FAT1: variants seen among roughly 807,000 people sequenced by gnomAD.
FAT1 encodes FAT atypical cadherin 1.
A neutral mutation model predicts 329.8 loss-of-function variants in FAT1; 171 were observed. The ratio of observed to expected loss-of-function variants is 0.52; its 90% CI spans 0.46 to 0.59. FAT1 has a LOEUF of 0.59. Among genes scored for constraint, FAT1 ranks in the 20% least tolerant of loss-of-function variants. The probability of loss-of-function intolerance (pLI) is 0.00; values close to 1 mark genes in which losing one functional copy is unlikely to be tolerated. For synonymous variants in FAT1, 2,233 were observed against 2,228.6 expected (o/e 1.00, Z -0.06); for missense variants, 5,672 against 5,774.4 (o/e 0.98, Z 0.57).
At chr4:186,633,234 G>A (rs1740670825) in intron 7 of FAT1, among the ~76,000 whole-genome samples, 1 of 152,068 alleles carries the variant, frequency 6.6e-6, no homozygotes, top group African/African-American at 2.4e-5. Context: ...AACAAATAAA[G>A]GTGGTAAAGG....
intron 15 of FAT1, 60 bp from the exon 16 acceptor site, chr4:186,609,380 C>G: frequency 6.5e-7 from 1 of 1,545,970 alleles, no homozygotes; most frequent in Non-Finnish European, 8.7e-7. Context: ...ACCTATTACA[C>G]AAAATTTGTG....
Position 186,710,986 on chromosome 4 carries a change from C to G in FAT1, c.-18-1141G>C, listed in dbSNP as rs547905034. ...CAGTTATTTTCAGATCAACTGTTCCCCTTTGCCAACAAATTCATCTTGTAA... is the reference window on the plus strand; with the variant it reads ...CAGTTATTTTCAGATCAACTGTTCCGCTTTGCCAACAAATTCATCTTGTAA... On this transcript the variant is annotated intron_variant, in intron 1 of 26. Transcript: ENST00000441802. 2.6e-5 allele frequency among the ~76,000 whole-genome samples: 4 copies of G among 152,312 alleles called. No homozygotes were observed. The East Asian group carries it at 7.7e-4, about 29-fold the overall frequency.
At chr4:186,684,648 C>T (rs1743380045) in intron 2 of FAT1, among the ~76,000 whole-genome samples, 1 of 127,982 alleles carries the variant, frequency 7.8e-6, no homozygotes, top group African/African-American at 3.1e-5. Context: ...GGATGTTAAT[C>T]ACTAACTTGG....
At chr4:186,633,928 T>C (rs1579359736) in intron 6 of FAT1, 105 bp from the exon 7 acceptor site, 1 of 1,210,438 alleles carries the variant, frequency 8.3e-7, no homozygotes, top group Non-Finnish European at 1.2e-6. Context: ...TCTAATATAC[T>C]AGCAAAGAGC....
intron 9 of FAT1, among the ~76,000 whole-genome samples, chr4:186,627,849 T>C (rs1364708454): frequency 6.6e-6 from 1 of 152,142 alleles, no homozygotes; most frequent in East Asian, 1.9e-4. Flanking sequence ...GAAACTGTGG[T>C]TAAAATAATT....
In FAT1 at chr4:186,706,619, C is replaced by A. The variant is rs200050180; in HGVS notation, c.3209G>T (p.Arg1070Leu). ...DEDARRDGEI[R>L]YSIRDGSGVG... ...GCCAGAGCCATCTCTAATGGAGTAT[C>A]GGATCTCCCCATCTCTTCTGGCGTC... The change falls in exon 2 of 27, where the codon CGA becomes CTA. Residue 1070 changes from arginine (R) to leucine (L), a missense_variant. Coordinates refer to ENST00000441802, the MANE Select transcript of FAT1 (RefSeq NM_005245.4). The A allele has an allele frequency of 1.9e-6, 3 of 1,613,936 alleles. No homozygotes were observed. Among genetic ancestry groups the A allele is most frequent in the Non-Finnish European group, 2.5e-6 (3 of 1,179,876 alleles).
intron 26 of FAT1, among the ~76,000 whole-genome samples, chr4:186,591,870 C>T (rs1044195129): frequency 7.2e-5 from 11 of 152,114 alleles, no homozygotes; most frequent in African/African-American, 1.2e-4. Flanking sequence ...AAGGATCCCC[C>T]GAACTCTATG....
At chr4:186,595,651 C>G (rs1738463673) in intron 26 of FAT1, 38 bp downstream of exon 26, 2 of 1,608,944 alleles carry the variant, frequency 1.2e-6, no homozygotes. Flanking sequence ...ACACAACAAG[C>G]AAGCAAAGCG....
intron 2 of FAT1, among the ~76,000 whole-genome samples, chr4:186,684,570 T>C (rs953983783): frequency 6.6e-5 from 10 of 152,160 alleles, no homozygotes; most frequent in African/African-American, 2.4e-4. Flanking sequence ...CACATTTCTT[T>C]AGGACACTTT....
At chr4:186,679,901 G>T (rs4327565) in intron 2 of FAT1, among the ~76,000 whole-genome samples, 2 of 152,230 alleles carry the variant, frequency 1.3e-5, no homozygotes, top group East Asian at 1.9e-4. Context: ...TGAAACTCAA[G>T]AATTTTTTAT....
At position 186,611,419 on chromosome 4, in the gene FAT1, C is replaced by T. The variant is rs2126466546; in HGVS notation, c.9820G>A (p.Glu3274Lys). The T allele has an allele frequency of 1.9e-6, 3 of 1,613,418 alleles. No homozygotes were observed. The highest frequency in any genetic ancestry group is 3.3e-4 in the Middle Eastern group (2 of 6,058). ...EITYSIISGN[E>K]HGKFSIDSKT... is the part of the protein sequence containing the mutation. ...GAATCTATGCTGAATTTCCCATGTT[C>T]ATTTCCACTTATTATTGAGTAGGTG... Residue 3274 changes from glutamate to lysine, a missense_variant, in exon 14 of 27, where the codon GAA becomes AAA. By Grantham distance (56) the Glu-to-Lys change is moderately conservative (BLOSUM62 1). Coordinates refer to ENST00000441802, the MANE Select transcript of FAT1 (RefSeq NM_005245.4).
chr4:186,596,650 T>C lies in FAT1; in HGVS notation c.12890A>G (p.Lys4297Arg). Reference protein sequence around the residue: ...FNPESVHGHRKAVAVCSVAPN... With the variant: ...FNPESVHGHRRAVAVCSVAPN... ...CGCCACGCTGCAGACCGCCACTGCT[T>C]TTCGGTGCCCGTGCACAGACTCGGG... is the stretch of plus-strand genomic sequence containing the variant. Residue 4297 changes from lysine to arginine, a missense_variant, in exon 25 of 27, where the codon AAA becomes AGA. Coordinates refer to ENST00000441802, the MANE Select transcript of FAT1 (RefSeq NM_005245.4). The surrounding 1 kb of genome is among the most constrained non-coding windows in gnomAD (Gnocchi z 4.7). The C allele has an allele frequency of 6.2e-7, 1 of 1,611,044 alleles. No individual in the cohort carries two copies. The highest frequency in any genetic ancestry group is 2.2e-5 in the East Asian group (1 of 44,826).
intron 9 of FAT1, among the ~76,000 whole-genome samples, chr4:186,623,506 A>G (rs1357084139): frequency 6.6e-6 from 1 of 152,136 alleles, no homozygotes; most frequent in African/African-American, 2.4e-5. Context: ...CATATTTTAT[A>G]TTCATTCTTC....
At chr4:186,675,782 AACACACACACACACACAC>A (rs66981811) in intron 2 of FAT1, among the ~76,000 whole-genome samples, 55 of 143,198 alleles carry the variant, frequency 3.8e-4, no homozygotes, top group Admixed American at 1.5e-3. Context: ...CCCTGTCTAA[AACACACACACACACACAC>A]ACACACACAC....
At chr4:186,643,793 C>T (rs1741220349) in intron 3 of FAT1, among the ~76,000 whole-genome samples, 1 of 137,914 alleles carries the variant, frequency 7.3e-6, no homozygotes, top group African/African-American at 2.7e-5. Flanking sequence ...CCTCATCCCC[C>T]CCCCACCCCC....
rs546197620 is a variant in FAT1, at chr4:186,718,598, C to T, written c.-19+5066G>A. Among the ~76,000 whole-genome samples the T allele has an allele frequency of 5.8e-4, 88 of 152,256 alleles. No individual in the cohort carries two copies. In the South Asian group the frequency reaches 7.3e-3, roughly 13 times the overall value. On this transcript the variant is annotated intron_variant, in intron 1 of 26. Coordinates refer to ENST00000441802, the MANE Select transcript of FAT1 (RefSeq NM_005245.4). Reference sequence around the variant, plus strand: ...AGGAGAATCGCTTGAACCCGGGAGGCGGAGCTTGCAGTGAGCCGAGATTGC... The same window carrying T: ...AGGAGAATCGCTTGAACCCGGGAGGTGGAGCTTGCAGTGAGCCGAGATTGC...
chr4:186,639,975 C>T (rs1296304752), intron 3 of FAT1, among the ~76,000 whole-genome samples, 192 bp from the exon 4 acceptor site: 1 of 152,032 alleles, frequency 6.6e-6, no homozygotes, highest in Non-Finnish European at 1.5e-5. Context: ...AACCCTGTAT[C>T]TACAAAAAGT....
chr4:186,702,910 C>T (rs868865071), intron 2 of FAT1, among the ~76,000 whole-genome samples: 2 of 152,184 alleles, frequency 1.3e-5, no homozygotes, highest in African/African-American at 2.4e-5. Flanking sequence ...ATCTTTACTC[C>T]GCTAAACATC....
intron 1 of FAT1, among the ~76,000 whole-genome samples, chr4:186,719,035 A>T (rs558934581): frequency 1.3e-5 from 2 of 152,352 alleles, no homozygotes; most frequent in Admixed American, 1.3e-4. Flanking sequence ...ACAGGTATGA[A>T]AAATGAATGA....
Sources: gnomAD v4.1 joint callset for allele counts (sites outside exome capture counted in the v4.1 genomes callset) on GRCh38, gnomAD v4.1.1 for gene constraint, Gnocchi (gnomAD v3.1) non-coding constraint, MANE v1.5 for transcripts, NCBI Gene and HGNC (gene_info 2026-07-23, HGNC 2026-07-21) for gene names.